The following MYO9B variants were observed in gnomAD, a reference collection of about 807,000 sequenced individuals.
The protein encoded by MYO9B is myosin IXB.
MYO9B carries 71 observed loss-of-function variants against 229.5 expected under a neutral mutation model. The ratio of observed to expected loss-of-function variants is 0.31; its 90% confidence interval spans 0.26 to 0.38. The LOEUF is 0.38. Among genes scored for constraint, MYO9B ranks in the 10% least tolerant of loss-of-function variants. The pLI, the probability that MYO9B is intolerant of heterozygous loss-of-function variation, is 1.00. For synonymous variants in MYO9B, 1,185 were observed against 1,235.8 expected (o/e 0.96, Z 0.86); for missense variants, 2,255 against 2,920.5 (o/e 0.77, Z 5.25).
chr19:17,180,658 T>G (rs981817784), intron 14 of MYO9B: 2 of 319,382 alleles, frequency 6.3e-6, no homozygotes, highest in East Asian at 5.8e-5. Flanking sequence ...CTGGAAATGA[T>G]GTATTGAAAA....
In MYO9B at chr19:17,175,734, CTT is replaced by C; in HGVS notation, c.2214_2215del (p.Tyr739ProfsTer5). Reference sequence around the variant, plus strand: ...AGGAGCCAGCACCCCTTCGGAAAAACTTTACCGGTGAGCAAGACCCTGATTTG... The same window carrying C: ...AGGAGCCAGCACCCCTTCGGAAAAACTACCGGTGAGCAAGACCCTGATTTG... ...PRGASTPSEKLYRDLHNQMIK... is the reference protein window; with the variant it reads ...PRGASTPSEKXYRDLHNQMIK... On this transcript the variant is annotated frameshift_variant, in exon 14 of 40. Coordinates refer to ENST00000682292, the MANE Select transcript of MYO9B (RefSeq NM_004145.4). LOFTEE classifies it high-confidence loss of function. 6.4e-7 allele frequency: 1 copy of C among 1,573,004 alleles called. No homozygotes were observed. The highest frequency in any genetic ancestry group is 8.6e-7 in the Non-Finnish European group (1 of 1,159,144).
Position 17,194,791 on chromosome 19 carries a change from A to G in MYO9B, c.3364A>G (p.Ser1122Gly). ...CTCCTCACCTGAGAAGGAGGCCCCAAGCCCAGAGAAGACTCTCCCACCCCA... is the reference window on the plus strand; with the variant it reads ...CTCCTCACCTGAGAAGGAGGCCCCAGGCCCAGAGAAGACTCTCCCACCCCA... ...EHSSPEKEAP[S>G]PEKTLPPQKT... The change falls in exon 22 of 40, where the codon AGC becomes GGC. Residue 1122 changes from serine to glycine, a missense_variant. Ser to Gly is a moderately conservative substitution (Grantham distance 56, BLOSUM62 0). Transcript: ENST00000682292. The G allele has an allele frequency of 6.2e-7, 1 of 1,613,398 alleles. No individual in the cohort carries two copies. Among genetic ancestry groups the G allele is most frequent in the Non-Finnish European group, 8.5e-7 (1 of 1,179,874 alleles).
intron 2 of MYO9B, among the ~76,000 whole-genome samples, chr19:17,123,805 A>G (rs1446160579): frequency 6.6e-6 from 1 of 152,144 alleles, no homozygotes; most frequent in East Asian, 1.9e-4. Context: ...CCCAAACCAC[A>G]TGCTTAAGGC....
In MYO9B at chr19:17,167,981, C is replaced by A; in HGVS notation, c.1710C>A (p.Ile570=). Residue 570 remains isoleucine (I), a synonymous_variant, in exon 11 of 40, where the codon ATC becomes ATA. Transcript: ENST00000682292. ...GCGAGGGGATCACGTGGCACAACAT[C>A]GGCTACACAGACAATGTCGGCTGCA... is the stretch of plus-strand genomic sequence containing the variant. ...YQGEGITWHN[I]GYTDNVGCIH... The A allele has an allele frequency of 6.3e-7, 1 of 1,599,398 alleles. No individual in the cohort carries two copies. The highest frequency in any genetic ancestry group is 8.5e-7 in the Non-Finnish European group (1 of 1,173,192).
chr19:17,092,958 CAT>C (rs139966784), intron 1 of MYO9B, among the ~76,000 whole-genome samples: 2,755 of 152,260 alleles, frequency 0.018, 36 homozygotes, highest in South Asian at 0.044. Context: ...TGTGTATTCA[CAT>C]GTGTTTCCTC....
intron 1 of MYO9B, among the ~76,000 whole-genome samples, chr19:17,094,775 C>CT (rs2057672224): frequency 6.6e-6 from 1 of 151,964 alleles, no homozygotes. Flanking sequence ...AACCCAGTCT[C>CT]TACTAAAAAT....
chr19:17,107,899 A>G (rs1434961557), intron 2 of MYO9B, among the ~76,000 whole-genome samples: 6 of 151,536 alleles, frequency 4.0e-5, no homozygotes, highest in Non-Finnish European at 7.4e-5. Context: ...TGTGGATATA[A>G]TTTTGGGGGC....
chr19:17,174,726 C>T (rs574138354), intron 13 of MYO9B, among the ~76,000 whole-genome samples: 73 of 151,920 alleles, frequency 4.8e-4, no homozygotes, highest in African/African-American at 1.5e-3. Flanking sequence ...CGAGGTCAGG[C>T]GGTTGAGACC....
chr19:17,141,987 G>A (rs1204994942), intron 2 of MYO9B, among the ~76,000 whole-genome samples: 1 of 152,020 alleles, frequency 6.6e-6, no homozygotes, highest in Non-Finnish European at 1.5e-5. Flanking sequence ...GACCAGCCTG[G>A]GCAACTTAGA....
intron 2 of MYO9B, among the ~76,000 whole-genome samples, chr19:17,111,144 T>C (rs1379378577): frequency 1.3e-5 from 2 of 152,182 alleles, no homozygotes; most frequent in East Asian, 3.8e-4. Context: ...CACAGTTGGA[T>C]GCCAGCCTCC....
Position 17,102,394 on chromosome 19 carries a change from T to C in MYO9B, c.677T>C (p.Met226Thr). ...FALADVAYYT[M>T]LRKRVNQCIV... ...CTGGCCGACGTGGCCTACTACACCA[T>C]GCTCAGGAAGCGCGTGAACCAGTGC... The change falls in exon 2 of 40, where the codon ATG becomes ACG. Residue 226 changes from methionine to threonine, a missense_variant. Coordinates refer to ENST00000682292, the MANE Select transcript of MYO9B (RefSeq NM_004145.4). 2.5e-6 allele frequency: 4 copies of C among 1,613,940 alleles called. No homozygotes were observed. The highest frequency in any genetic ancestry group is 3.4e-6 in the Non-Finnish European group (4 of 1,179,884).
Position 17,193,105 on chromosome 19 carries a change from C to A in MYO9B, c.3128+43C>A. 7.0e-6 allele frequency: 10 copies of A among 1,419,204 alleles called. No homozygotes were observed. The highest frequency in any genetic ancestry group is 9.2e-6 in the Non-Finnish European group (10 of 1,087,246). The allele number at this position is 1,419,204 out of a possible 1,614,324, so 87.9% of individuals were successfully genotyped here. On this transcript the variant is annotated intron_variant, in intron 21 of 39. Coordinates refer to ENST00000682292, the MANE Select transcript of MYO9B (RefSeq NM_004145.4). The surrounding 1 kb of genome is among the most constrained non-coding windows in gnomAD (Gnocchi z 4.3). ...ACGCTCCTCGGAATATTCCAGAAGC[C>A]AAAAAGGTCACTCACCAAATTGCTG...
At chr19:17,190,484 G>C (rs2072971490) in intron 19 of MYO9B, among the ~76,000 whole-genome samples, 1 of 148,628 alleles carries the variant, frequency 6.7e-6, no homozygotes, top group East Asian at 2.2e-4. Context: ...TTTTTAATTA[G>C]CTGGGCATGG....
At position 17,206,669 on chromosome 19, in the gene MYO9B, C is replaced by T; in HGVS notation, c.5387-10C>T. The T allele has an allele frequency of 6.4e-7, 1 of 1,561,426 alleles. No individual in the cohort carries two copies. Among genetic ancestry groups the T allele is most frequent in the Non-Finnish European group, 8.7e-7 (1 of 1,153,252 alleles). On this transcript the variant is annotated splice_polypyrimidine_tract_variant and intron_variant, in intron 33 of 39. Coordinates refer to ENST00000682292, the MANE Select transcript of MYO9B (RefSeq NM_004145.4). ...TGGGAGCTGACGTCCTCAAACCCCA[C>T]TGCCTGCAGAGCTGCCGGAGAAGCA...
intron 2 of MYO9B, among the ~76,000 whole-genome samples, chr19:17,106,010 C>T (rs951620628): frequency 6.7e-6 from 1 of 149,184 alleles, no homozygotes; most frequent in Non-Finnish European, 1.5e-5. Context: ...CGCCTCTCCT[C>T]TATTCCTTTC....
At chr19:17,134,366 T>C (rs545323333) in intron 2 of MYO9B, among the ~76,000 whole-genome samples, 3 of 149,990 alleles carry the variant, frequency 2.0e-5, no homozygotes, top group Admixed American at 6.7e-5. Context: ...CTTTGTTTTT[T>C]TTTTCGTTTT....
At chr19:17,207,730 G>A (rs1428395789) in intron 35 of MYO9B, 1 of 152,092 alleles carries the variant, frequency 6.6e-6, no homozygotes, top group Non-Finnish European at 1.5e-5. Flanking sequence ...ACAAAAATTA[G>A]GCTGGACGAG....
chr19:17,077,261 A>G (rs982415931), intron 1 of MYO9B, among the ~76,000 whole-genome samples: 3 of 152,196 alleles, frequency 2.0e-5, no homozygotes, highest in African/African-American at 7.2e-5. Flanking sequence ...ATCTGCCAGA[A>G]GGGCTGGGGA....
At chr19:17,154,275 G>A (rs2072513682) in intron 5 of MYO9B, 40 bp from the exon 6 acceptor site, 2 of 1,579,800 alleles carry the variant, frequency 1.3e-6, no homozygotes, top group African/African-American at 1.3e-5. Flanking sequence ...ACCCTTGCCG[G>A]CCCAGGAATG....
Sources: gnomAD v4.1 joint callset for allele counts (sites outside exome capture counted in the v4.1 genomes callset) on GRCh38, gnomAD v4.1.1 for gene constraint, Gnocchi (gnomAD v3.1) non-coding constraint, MANE v1.5 for transcripts, NCBI Gene and HGNC (gene_info 2026-07-23, HGNC 2026-07-21) for gene names.